The following ME3 variants were observed in gnomAD, a reference collection of about 807,000 sequenced individuals.
The protein encoded by ME3 is malic enzyme 3, also known as NADP-dependent malic enzyme, mitochondrial.
A neutral mutation model predicts 68.9 loss-of-function variants in ME3; 48 were observed. The ratio of observed to expected loss-of-function variants is 0.70; its 90% confidence interval spans 0.55 to 0.89. ME3 has a LOEUF of 0.89. Among genes scored for constraint, ME3 ranks in the 40% least tolerant of loss-of-function variants. ME3 has a pLI of 0.00. For missense variants in ME3, 675 were observed against 797.4 expected, an observed-to-expected ratio of 0.85 and a Z score of 1.85; for synonymous variants, 320 against 318.8, an observed-to-expected ratio of 1.00 and a Z score of -0.04.
Position 86,441,451 on chromosome 11 carries a change from A to C in ME3, c.1654-11T>G. The C allele has an allele frequency of 6.4e-7, 1 of 1,573,322 alleles. No homozygotes were observed. Among genetic ancestry groups the C allele is most frequent in the East Asian group, 2.2e-5 (1 of 44,476 alleles). On this transcript the variant is annotated splice_polypyrimidine_tract_variant and intron_variant, in intron 14 of 14. Coordinates refer to ENST00000543262, the Ensembl canonical transcript of ME3. ...CGCGTAGTCGAGAACCTAGAGAAAA[A>C]CATGTTTGGCTAAGGAACCGGATCT...
At chr11:86,596,890 G>C (rs889877769) in intron 2 of ME3, among the ~76,000 whole-genome samples, 2 of 152,116 alleles carry the variant, frequency 1.3e-5, no homozygotes, top group African/African-American at 4.8e-5. Flanking sequence ...GGTCATAGAT[G>C]ATGATGGGAT....
chr11:86,516,408 G>T (rs1953910178), intron 4 of ME3, among the ~76,000 whole-genome samples: 1 of 151,752 alleles, frequency 6.6e-6, no homozygotes, highest in Non-Finnish European at 1.5e-5. Flanking sequence ...TGTTTTGAGA[G>T]ATGGAGTCTC....
intron 2 of ME3, among the ~76,000 whole-genome samples, chr11:86,561,760 C>T (rs1957247636): frequency 1.3e-5 from 2 of 152,282 alleles, no homozygotes; most frequent in South Asian, 4.1e-4. Flanking sequence ...TGTGCAGTTC[C>T]TTTTGCCTTT....
chr11:86,515,623 T>C (rs924057042), intron 4 of ME3, among the ~76,000 whole-genome samples: 1 of 152,206 alleles, frequency 6.6e-6, no homozygotes, highest in African/African-American at 2.4e-5. Flanking sequence ...AATATTTGTC[T>C]AACCTCGTCC....
chr11:86,516,986 C>T (rs889598170), intron 4 of ME3, among the ~76,000 whole-genome samples: 12 of 152,090 alleles, frequency 7.9e-5, no homozygotes, highest in African/African-American at 1.4e-4. Context: ...AAAAATTGCA[C>T]GGAGTACCTG....
intron 2 of ME3, among the ~76,000 whole-genome samples, chr11:86,600,500 A>G (rs1960426478): frequency 1.3e-5 from 2 of 150,650 alleles, no homozygotes; most frequent in African/African-American, 2.4e-5. Context: ...CACAATAATA[A>G]TGGGAGACTT....
intron 2 of ME3, among the ~76,000 whole-genome samples, chr11:86,608,211 C>A (rs1174755661): frequency 6.6e-6 from 1 of 152,044 alleles, no homozygotes; most frequent in East Asian, 1.9e-4. Context: ...AGCTGCAGCT[C>A]ATTATTTATG....
chr11:86,513,677 A>G (rs745646657), intron 4 of ME3, among the ~76,000 whole-genome samples: 4 of 152,210 alleles, frequency 2.6e-5, no homozygotes, highest in Non-Finnish European at 4.4e-5. Flanking sequence ...ATATTGAGGA[A>G]GTAAAATGTG....
rs757805580 is a variant in ME3 at position 86,628,078 on chromosome 11, C to T, written c.183+43684G>A. Among the ~76,000 whole-genome samples the T allele has an allele frequency of 5.3e-5, 8 of 152,332 alleles. No individual in the cohort carries two copies. In the South Asian group the frequency reaches 8.3e-4, roughly 16 times the overall value. On this transcript the variant is annotated intron_variant, in intron 2 of 14. Transcript: ENST00000543262. ...GTCCTGCCCTCTGGTGCAGATGATT[C>T]AATGGGGAAGATGGTAGACATCTTT...
At chr11:86,478,366 T>C (rs1051596710) in intron 7 of ME3, among the ~76,000 whole-genome samples, 17 of 90,356 alleles carry the variant, frequency 1.9e-4, no homozygotes, top group Non-Finnish European at 4.0e-4. Flanking sequence ...AGAAAAGCAA[T>C]AGGCCATTTT....
intron 2 of ME3, among the ~76,000 whole-genome samples, chr11:86,666,821 A>G (rs1383349888): frequency 6.6e-6 from 1 of 152,234 alleles, no homozygotes; most frequent in African/African-American, 2.4e-5. Flanking sequence ...CATCACCAAT[A>G]AACTTCTAAT....
At chr11:86,509,271 G>A (rs537481971) in intron 4 of ME3, among the ~76,000 whole-genome samples, 1 of 152,306 alleles carries the variant, frequency 6.6e-6, no homozygotes, top group Admixed American at 6.5e-5. Context: ...CCCTAGGCCT[G>A]AGTCCGTGAC....
At chr11:86,477,553 C>T (rs1404932427) in intron 7 of ME3, among the ~76,000 whole-genome samples, 1 of 152,204 alleles carries the variant, frequency 6.6e-6, no homozygotes, top group African/African-American at 2.4e-5. Flanking sequence ...ATTCCTTCAT[C>T]TCTTCTGCCA....
chr11:86,519,523 C>T (rs79302829), intron 4 of ME3, among the ~76,000 whole-genome samples: 8,201 of 152,270 alleles, frequency 0.054, 332 homozygotes, highest in South Asian at 0.17. Context: ...CCAAGTCCAG[C>T]AATAAAGGGC....
At chr11:86,666,750 AT>A (rs1417161907) in intron 2 of ME3, among the ~76,000 whole-genome samples, 3 of 152,188 alleles carry the variant, frequency 2.0e-5, no homozygotes, top group Non-Finnish European at 2.9e-5. Context: ...AGGAGGCACA[AT>A]TTTACATCAT....
chr11:86,513,332 C>T (rs188862186), intron 4 of ME3, among the ~76,000 whole-genome samples: 157 of 152,366 alleles, frequency 1.0e-3, no homozygotes, highest in African/African-American at 3.6e-3. Context: ...CTTTTAACCA[C>T]TTCTCAAAGT....
intron 4 of ME3, among the ~76,000 whole-genome samples, chr11:86,518,719 A>G (rs566475243): frequency 3.0e-4 from 45 of 152,318 alleles, no homozygotes; most frequent in African/African-American, 9.9e-4. Flanking sequence ...GCTCTCCACA[A>G]ATTCTAATGT....
intron 7 of ME3, among the ~76,000 whole-genome samples, chr11:86,479,810 C>CTTTT: frequency 2.5e-5 from 1 of 39,560 alleles, no homozygotes; most frequent in Non-Finnish European, 6.7e-5. Flanking sequence ...CAGCTGATGT[C>CTTTT]TTTTTTTCTT....
chr11:86,440,083 A>G (rs555746332), downstream of ME3, among the ~76,000 whole-genome samples: 2 of 152,324 alleles, frequency 1.3e-5, no homozygotes, highest in East Asian at 1.9e-4. Context: ...CTAATAGTCC[A>G]TCTAGCCTGT....
Sources: gnomAD v4.1 joint callset for allele counts (sites outside exome capture counted in the v4.1 genomes callset) on GRCh38, gnomAD v4.1.1 for gene constraint, MANE v1.5 for transcripts, NCBI Gene and HGNC (gene_info 2026-07-23, HGNC 2026-07-21) for gene names.